TMEM132D: variants seen among roughly 807,000 people sequenced by gnomAD.
The protein encoded by TMEM132D is mature OL transmembrane protein.
TMEM132D carries 21 observed loss-of-function variants against 62.3 expected under a neutral mutation model. That is an observed-to-expected ratio of 0.34 (90% confidence interval 0.24 to 0.49). The LOEUF (loss-of-function observed/expected upper bound fraction) is 0.49, where lower values mean the gene tolerates loss of function less well. TMEM132D is among the 20% of genes least tolerant of loss of function. The pLI is 0.99. For missense variants in TMEM132D, 1,346 were observed against 1,402.8 expected, an observed-to-expected ratio of 0.96 and a Z score of 0.65; for synonymous variants, 621 against 575.6, an observed-to-expected ratio of 1.08 and a Z score of -1.13.
At chr12:129,243,026 C>T (rs931426268) in intron 4 of TMEM132D, among the ~76,000 whole-genome samples, 2 of 152,170 alleles carry the variant, frequency 1.3e-5, no homozygotes, top group Non-Finnish European at 2.9e-5. Context: ...CCCATTTTTG[C>T]TGCAAAGTCT....
chr12:129,249,842 G>A (rs965218858), intron 4 of TMEM132D, among the ~76,000 whole-genome samples: 15 of 152,248 alleles, frequency 9.9e-5, no homozygotes, highest in African/African-American at 2.6e-4. Flanking sequence ...GGAAGCAGAC[G>A]GCACACTCAG....
chr12:129,507,870 TA>T (rs1875384818), intron 3 of TMEM132D, among the ~76,000 whole-genome samples: 1 of 152,026 alleles, frequency 6.6e-6, no homozygotes, highest in Non-Finnish European at 1.5e-5. Flanking sequence ...CAAAAAACAT[TA>T]AAAAATAGAA....
Position 129,903,379 on chromosome 12 carries a change from C to G in TMEM132D, c.-40G>C, listed in dbSNP as rs775067425. On this transcript the variant is annotated 5_prime_UTR_variant, in exon 1 of 9. Transcript: ENST00000422113. This position sits in a 1 kb window ranked among gnomAD's most constrained non-coding sequence, Gnocchi z 6.2. Reference sequence around the variant, plus strand: ...GCGCAGATCCTCCGCTCCCCGGCGCCGTCCAGGCGAACAAGAGACCGTCTC... The same window carrying G: ...GCGCAGATCCTCCGCTCCCCGGCGCGGTCCAGGCGAACAAGAGACCGTCTC... 2 of 1,545,724 alleles carry G rather than the reference C, an allele frequency of 1.3e-6. No individual in the cohort carries two copies. Among genetic ancestry groups the G allele is most frequent in the South Asian group, 1.2e-5 (1 of 83,948 alleles).
rs150609004 is a variant in TMEM132D, at chr12:129,702,883, A to G, written c.80-2185T>C. ...GATTCTGTTTTTACACTAGGATGTTATTCACTGTCCTCTTGGCTTCCATCA... is the reference window on the plus strand; with the variant it reads ...GATTCTGTTTTTACACTAGGATGTTGTTCACTGTCCTCTTGGCTTCCATCA... On this transcript the variant is annotated intron_variant, in intron 1 of 8. Coordinates refer to ENST00000422113, the MANE Select transcript of TMEM132D (RefSeq NM_133448.3). Among the ~76,000 whole-genome samples the G allele has an allele frequency of 3.9e-5, 6 of 152,352 alleles. No homozygotes were observed. The East Asian group carries it at 1.2e-3, about 29-fold the overall frequency.
At chr12:129,372,439 T>C (rs1870638758) in intron 3 of TMEM132D, among the ~76,000 whole-genome samples, 2 of 152,054 alleles carry the variant, frequency 1.3e-5, no homozygotes. Flanking sequence ...CCATCTCCTG[T>C]CAGGTCAGGA....
At chr12:129,636,720 G>GTA (rs1879488195) in intron 2 of TMEM132D, among the ~76,000 whole-genome samples, 1 of 124,500 alleles carries the variant, frequency 8.0e-6, no homozygotes, top group Non-Finnish European at 1.7e-5. Context: ...GTGTGTGTGT[G>GTA]TGTGTGTGTG....
intron 5 of TMEM132D, among the ~76,000 whole-genome samples, chr12:129,190,878 C>T (rs12422767): frequency 0.2 from 30,972 of 152,094 alleles, 3,708 homozygotes; most frequent in East Asian, 0.51. Context: ...AGTGGAGCAG[C>T]CCAGAGCTCT....
chr12:129,542,722 C>T (rs190451729), intron 2 of TMEM132D, among the ~76,000 whole-genome samples: 1 of 152,196 alleles, frequency 6.6e-6, no homozygotes, highest in African/African-American at 2.4e-5. Flanking sequence ...TATACACACA[C>T]GCATATACGT....
chr12:129,361,421 A>C (rs1042153853), intron 3 of TMEM132D, among the ~76,000 whole-genome samples: 1 of 152,226 alleles, frequency 6.6e-6, no homozygotes, highest in African/African-American at 2.4e-5. Flanking sequence ...CCCCATCATC[A>C]CAAAACTTTT....
intron 1 of TMEM132D, among the ~76,000 whole-genome samples, chr12:129,772,632 C>T (rs149466230): frequency 6.6e-6 from 1 of 152,302 alleles, no homozygotes; most frequent in East Asian, 1.9e-4. Context: ...AACCCATGAG[C>T]TATTGTCTGT....
intron 2 of TMEM132D, among the ~76,000 whole-genome samples, chr12:129,694,791 G>A (rs533732766): frequency 3.9e-5 from 6 of 152,278 alleles, no homozygotes; most frequent in Admixed American, 1.3e-4. Flanking sequence ...GGCAGCTCAC[G>A]AGGTCAGGAG....
At chr12:129,569,140 T>C (rs931762967) in intron 2 of TMEM132D, among the ~76,000 whole-genome samples, 1 of 152,152 alleles carries the variant, frequency 6.6e-6, no homozygotes, top group Admixed American at 6.5e-5. Context: ...CAGCTACATT[T>C]GGAAAGATTT....
chr12:129,289,561 A>G (rs1159035521), intron 4 of TMEM132D, among the ~76,000 whole-genome samples: 18 of 148,760 alleles, frequency 1.2e-4, no homozygotes, highest in Admixed American at 6.2e-4. Flanking sequence ...AAAAAAAAAA[A>G]AAAGAAAAAA....
intron 3 of TMEM132D, 32 bp from the exon 4 acceptor site, chr12:129,337,849 C>T (rs2135658540): frequency 6.4e-7 from 1 of 1,570,398 alleles, no homozygotes. Context: ...GAACAGCTTT[C>T]AGGGACTGAT....
At chr12:129,249,105 C>T (rs1204489159) in intron 4 of TMEM132D, among the ~76,000 whole-genome samples, 1 of 152,104 alleles carries the variant, frequency 6.6e-6, no homozygotes, top group Non-Finnish European at 1.5e-5. Flanking sequence ...ATCTCATCCT[C>T]AAAGATCCCG....
intron 3 of TMEM132D, among the ~76,000 whole-genome samples, chr12:129,472,744 ATTC>A (rs1325797333): frequency 6.6e-6 from 1 of 152,240 alleles, no homozygotes; most frequent in African/African-American, 2.4e-5. Flanking sequence ...TTTTGAGCGG[ATTC>A]TTCAATTTTG....
intron 3 of TMEM132D, among the ~76,000 whole-genome samples, chr12:129,353,595 T>G (rs1035031501): frequency 6.6e-6 from 1 of 152,026 alleles, no homozygotes; most frequent in Admixed American, 6.5e-5. Flanking sequence ...TTGGGCAGGT[T>G]TTGCTTGGAG....
chr12:129,775,577 G>A (rs919131780), intron 1 of TMEM132D, among the ~76,000 whole-genome samples: 7 of 152,182 alleles, frequency 4.6e-5, no homozygotes, highest in African/African-American at 1.7e-4. Flanking sequence ...AGGGATGGAA[G>A]CAACAAAGGG....
intron 3 of TMEM132D, among the ~76,000 whole-genome samples, chr12:129,504,265 G>A (rs970848524): frequency 5.9e-5 from 9 of 152,258 alleles, no homozygotes; most frequent in South Asian, 2.1e-4. Context: ...AAAGTCTATC[G>A]ATTTAGGGAG....
Sources: allele counts gnomAD v4.1 joint callset (sites outside exome capture counted in the v4.1 genomes callset), GRCh38; gene constraint gnomAD v4.1.1; non-coding constraint Gnocchi (gnomAD v3.1); transcripts MANE v1.5; gene names NCBI Gene and HGNC (gene_info 2026-07-23, HGNC 2026-07-21).